The following RNF169 variants were observed in gnomAD, a reference collection of about 807,000 sequenced individuals.
The protein encoded by RNF169 is ring finger protein 169, also known as E3 ubiquitin-protein ligase RNF169.
In RNF169, 24 loss-of-function variants were observed where a neutral mutation model predicts 53.9. That is an observed-to-expected ratio of 0.45 (90% CI 0.32 to 0.63). The LOEUF (loss-of-function observed/expected upper bound fraction) is 0.63, where lower values mean the gene tolerates loss of function less well. Among genes scored for constraint, RNF169 ranks in the 20% least tolerant of loss-of-function variants. The probability of loss-of-function intolerance (pLI) is 0.04; values close to 1 mark genes in which losing one functional copy is unlikely to be tolerated. For synonymous variants in RNF169, 396 were observed against 363.5 expected (o/e 1.09, Z -1.02); for missense variants, 883 against 906.2 (o/e 0.97, Z 0.33).
chr11:74,778,641 C>G (rs545157758), intron 1 of RNF169, among the ~76,000 whole-genome samples: 1 of 152,070 alleles, frequency 6.6e-6, no homozygotes, highest in African/African-American at 2.4e-5. Flanking sequence ...GGAGAACTGC[C>G]GCCACTTTCA....
In RNF169 at chr11:74,836,563, C is replaced by T. The variant is rs1312858928; in HGVS notation, c.1960C>T (p.Pro654Ser). ...SGEVGLAPTD[P>S]VLREMEQKLQ... ...GGAGGTGGGTCTGGCCCCAACAGACCCAGTCCTGCGAGAGATGGAGCAGAA... is the reference window on the plus strand; with the variant it reads ...GGAGGTGGGTCTGGCCCCAACAGACTCAGTCCTGCGAGAGATGGAGCAGAA... Residue 654 changes from proline to serine, a missense_variant, in exon 6 of 6, where the codon CCA becomes TCA. Physicochemically the swap from Pro to Ser is moderately conservative, Grantham distance 74 (BLOSUM62 -1). This residue lies in a region of RNF169 where 351 missense variants were observed against 337.3 expected (regional missense o/e 1.04). Coordinates refer to ENST00000299563, the MANE Select transcript of RNF169 (RefSeq NM_001098638.2). The T allele has an allele frequency of 1.9e-6, 3 of 1,614,036 alleles. No individual in the cohort carries two copies. Among genetic ancestry groups the T allele is most frequent in the Non-Finnish European group, 1.7e-6 (2 of 1,180,014 alleles).
chr11:74,806,459 T>A (rs74397901), intron 2 of RNF169, among the ~76,000 whole-genome samples: 3,226 of 152,276 alleles, frequency 0.021, 112 homozygotes, highest in African/African-American at 0.074. Flanking sequence ...TGTTCTAAGA[T>A]ACACTCCAGA....
chr11:74,796,477 T>C (rs1336319156), intron 2 of RNF169, among the ~76,000 whole-genome samples: 1 of 152,244 alleles, frequency 6.6e-6, no homozygotes, highest in East Asian at 1.9e-4. Context: ...TTGAAATAGA[T>C]TTATCTCTAA....
intron 4 of RNF169, chr11:74,830,583 A>G (rs149013373): frequency 2.6e-4 from 39 of 152,114 alleles, no homozygotes; most frequent in African/African-American, 8.7e-4. Context: ...GCCGAGGGCC[A>G]GTGGCTTCAC....
At chr11:74,797,938 T>C (rs142047557) in intron 2 of RNF169, among the ~76,000 whole-genome samples, 1,770 of 152,378 alleles carry the variant, frequency 0.012, 48 homozygotes, top group African/African-American at 0.04. Context: ...CTGTCTTTAC[T>C]GCAATCTCTA....
intron 4 of RNF169, among the ~76,000 whole-genome samples, chr11:74,826,034 A>G (rs1452511883): frequency 2.0e-5 from 3 of 152,200 alleles, no homozygotes; most frequent in African/African-American, 4.8e-5. Context: ...TTATAAAACC[A>G]TAAGATCTTG....
At position 74,836,743 on chromosome 11, in the gene RNF169, T is replaced by C. The variant is rs766262708; in HGVS notation, c.*13T>C. On this transcript the variant is annotated 3_prime_UTR_variant, in exon 6 of 6. Coordinates refer to ENST00000299563, the MANE Select transcript of RNF169 (RefSeq NM_001098638.2). ...CGGGGCCAAGTAGCACCTAATGAAG[T>C]GTTACCTATTTTTAAAAGGTCTTAG... 6.3e-7 allele frequency: 1 copy of C among 1,579,240 alleles called. No homozygotes were observed. The highest frequency in any genetic ancestry group is 8.6e-7 in the Non-Finnish European group (1 of 1,162,332).
At chr11:74,808,715 T>TAA (rs2035836550) in intron 2 of RNF169, among the ~76,000 whole-genome samples, 3 of 152,264 alleles carry the variant, frequency 2.0e-5, no homozygotes, top group Non-Finnish European at 4.4e-5. Flanking sequence ...TGAACCATTA[T>TAA]GCTCCTCTGT....
chr11:74,810,072 C>A, intron 2 of RNF169, 112 bp from the exon 3 acceptor site: 1 of 917,178 alleles, frequency 1.1e-6, no homozygotes, highest in Non-Finnish European at 1.7e-6. Flanking sequence ...ATAAGAAAAA[C>A]AGTCTCAAAA....
intron 4 of RNF169, among the ~76,000 whole-genome samples, chr11:74,832,681 C>T (rs941128321): frequency 6.6e-6 from 1 of 152,088 alleles, no homozygotes; most frequent in Admixed American, 6.6e-5. Flanking sequence ...AAAATCTTTT[C>T]CTCTTGGTGT....
rs901190858 is a variant in RNF169 at position 74,748,877 on chromosome 11, C to G, written c.-4C>G. ...ACCGACTCTCCCTTCAAACGGGAAA[C>G]AAGATGGCGGCTGCAGGTCCGAGTA... On this transcript the variant is annotated 5_prime_UTR_variant, in exon 1 of 6. Coordinates refer to ENST00000299563, the MANE Select transcript of RNF169 (RefSeq NM_001098638.2). The G allele has an allele frequency of 2.1e-6, 3 of 1,417,174 alleles. No homozygotes were observed. The highest frequency in any genetic ancestry group is 1.9e-4 in the Middle Eastern group (1 of 5,130). 87.8% of individuals were successfully genotyped at this position (1,417,174 alleles called of 1,614,324 possible). A position where few individuals can be genotyped will look rare whatever the true frequency, so the allele number is the denominator to read the frequency against.
intron 4 of RNF169, chr11:74,831,345 C>T (rs1225737160): frequency 6.6e-6 from 1 of 152,174 alleles, no homozygotes; most frequent in African/African-American, 2.4e-5. Context: ...TTTCTATACA[C>T]TAGCAGTGAA....
intron 2 of RNF169, among the ~76,000 whole-genome samples, chr11:74,796,542 G>C (rs1565179463): frequency 6.6e-6 from 1 of 152,016 alleles, no homozygotes; most frequent in Non-Finnish European, 1.5e-5. Context: ...TATTTCTTCT[G>C]CTTTGCTTGT....
chr11:74,762,697 A>G (rs2035107441), intron 1 of RNF169, among the ~76,000 whole-genome samples: 1 of 152,260 alleles, frequency 6.6e-6, no homozygotes, highest in African/African-American at 2.4e-5. Context: ...TCCAAAAACA[A>G]AAATGGAACT....
chr11:74,775,550 C>G (rs181747723), intron 1 of RNF169, among the ~76,000 whole-genome samples: 1 of 151,470 alleles, frequency 6.6e-6, no homozygotes. Context: ...CCCCAAGATT[C>G]TGGTCATACC....
intron 2 of RNF169, among the ~76,000 whole-genome samples, chr11:74,805,195 T>C (rs1159895908): frequency 6.6e-6 from 1 of 152,238 alleles, no homozygotes; most frequent in East Asian, 1.9e-4. Flanking sequence ...TTATATCTTA[T>C]CCGTATAAAG....
chr11:74,749,229 C>T lies in RNF169; in HGVS notation c.349C>T (p.Arg117Trp). The T allele has an allele frequency of 9.3e-7, 1 of 1,078,806 alleles. No individual in the cohort carries two copies. Among genetic ancestry groups the T allele is most frequent in the Non-Finnish European group, 1.1e-6 (1 of 892,710 alleles). The allele number at this position is 1,078,806 out of a possible 1,614,324, so 66.8% of individuals were successfully genotyped here. A position where few individuals can be genotyped will look rare whatever the true frequency, so the allele number is the denominator to read the frequency against. ...RARGPGWARR[R>W]ARDDGQADSE... ...CCGCGGCCCAGGCTGGGCCCGCCGTCGGGCCCGCGACGACGGCCAGGCCGA... is the reference window on the plus strand; with the variant it reads ...CCGCGGCCCAGGCTGGGCCCGCCGTTGGGCCCGCGACGACGGCCAGGCCGA... The change falls in exon 1 of 6, where the codon CGG (arginine) becomes TGG (tryptophan). Residue 117 changes from arginine to tryptophan, a missense_variant. Arg to Trp is a moderately radical substitution (Grantham distance 101). This residue lies in a region of RNF169 where 313 missense variants were observed against 279.9 expected (regional missense o/e 1.12). Coordinates refer to ENST00000299563, the MANE Select transcript of RNF169 (RefSeq NM_001098638.2).
At chr11:74,782,615 T>C (rs1486257197) in intron 1 of RNF169, among the ~76,000 whole-genome samples, 1 of 152,202 alleles carries the variant, frequency 6.6e-6, no homozygotes, top group Non-Finnish European at 1.5e-5. Context: ...ACCACTGATA[T>C]GGATGGCCCC....
chr11:74,749,309 G>T lies in RNF169; in HGVS notation c.429G>T (p.Pro143=), dbSNP rs2034846423. The change falls in exon 1 of 6, where the codon CCG becomes CCT. Residue 143 remains proline (P), a synonymous_variant. Transcript: ENST00000299563. ...GCAGCCAACCCGAGCGCTGCCGCCC[G>T]CGCCGGGACGGGGGCGCGGCTGCCG... The part of the protein sequence containing the change: ...ARRSQPERCR[P]RRDGGAAAAG... 3 of 1,184,040 alleles carry T rather than the reference G, an allele frequency of 2.5e-6. No homozygotes were observed. Among genetic ancestry groups the T allele is most frequent in the African/African-American group, 1.6e-5 (1 of 62,306 alleles). 73.3% of individuals were successfully genotyped at this position (1,184,040 alleles called of 1,614,324 possible).
Sources: gnomAD v4.1 joint callset for allele counts (sites outside exome capture counted in the v4.1 genomes callset) on GRCh38, gnomAD v4.1.1 for gene constraint, gnomAD v4.1.1 regional missense constraint, MANE v1.5 for transcripts, NCBI Gene and HGNC (gene_info 2026-07-23, HGNC 2026-07-21) for gene names.